Variants in KIAA0586 observed in about 807,000 individuals in gnomAD.
KIAA0586 encodes KIAA0586.
A neutral mutation model predicts 169.8 loss-of-function variants in KIAA0586; 144 were observed. That is an observed-to-expected ratio of 0.85 (90% CI 0.74 to 0.97). The LOEUF is 0.97. KIAA0586 is among the 50% of genes least tolerant of loss of function. The probability of loss-of-function intolerance (pLI) is 0.00; values close to 1 mark genes in which losing one functional copy is unlikely to be tolerated. For missense variants in KIAA0586, 1,854 were observed against 1,823.0 expected, an observed-to-expected ratio of 1.02 and a Z score of -0.31; for synonymous variants, 625 against 612.4, an observed-to-expected ratio of 1.02 and a Z score of -0.30.
At chr14:58,483,440 G>C (rs1181287279) in intron 21 of KIAA0586, among the ~76,000 whole-genome samples, 2 of 152,008 alleles carry the variant, frequency 1.3e-5, no homozygotes, top group Non-Finnish European at 2.9e-5. Flanking sequence ...CACAGAACAA[G>C]TTGCTTTCTT....
At chr14:58,433,903 G>A (rs771261792) in intron 4 of KIAA0586, among the ~76,000 whole-genome samples, 10 of 151,998 alleles carry the variant, frequency 6.6e-5, no homozygotes, top group Admixed American at 1.3e-4. Context: ...GGAGGCTGAG[G>A]TGGAAGGATC....
In KIAA0586 at chr14:58,492,101, C is replaced by A. The variant is rs371064539; in HGVS notation, c.3859-43C>A. ...TTAAATTGAGAAAAATGCAATTGTTCGAAATAATTTATTTTTATTAATTGT... is the reference window on the plus strand; with the variant it reads ...TTAAATTGAGAAAAATGCAATTGTTAGAAATAATTTATTTTTATTAATTGT... On this transcript the variant is annotated intron_variant, in intron 25 of 30. Coordinates refer to ENST00000652326, the MANE Select transcript of KIAA0586 (RefSeq NM_001329943.3). 2.3e-5 allele frequency: 33 copies of A among 1,407,988 alleles called. No homozygotes were observed. The East Asian group carries it at 3.8e-4, about 16-fold the overall frequency. The allele number at this position is 1,407,988 out of a possible 1,614,324, so 87.2% of individuals were successfully genotyped here.
intron 29 of KIAA0586, chr14:58,521,962 GACAGC>G: frequency 1.5e-6 from 2 of 1,371,564 alleles, no homozygotes; most frequent in Non-Finnish European, 2.1e-6. Context: ...GGATGACAGA[GACAGC>G]ACCAATGGCG....
rs201702546 is a variant in KIAA0586, at chr14:58,488,791, C to G, written c.3698C>G (p.Thr1233Ser). Residue 1233 changes from threonine to serine, a missense_variant, in exon 24 of 31, where the codon ACT becomes AGT. Physicochemically the swap from Thr to Ser is moderately conservative, Grantham distance 58. Coordinates refer to ENST00000652326, the MANE Select transcript of KIAA0586 (RefSeq NM_001329943.3). ...SSTLESTLSVTVTETETLDKP... is the reference protein window; with the variant it reads ...SSTLESTLSVSVTETETLDKP... ...ACACTGGAGAGCACATTGAGTGTTA[C>G]TGTCACTGAAACTGAAACTTTAGAT... 210 of 1,613,730 alleles carry G rather than the reference C, an allele frequency of 1.3e-4. No homozygotes were observed. The highest frequency in any genetic ancestry group is 1.7e-4 in the Non-Finnish European group (201 of 1,179,804).
Position 58,460,318 on chromosome 14 carries a change from G to A in KIAA0586, c.1884+248G>A, listed in dbSNP as rs531622354. On this transcript the variant is annotated intron_variant, in intron 13 of 30. Coordinates refer to ENST00000652326, the MANE Select transcript of KIAA0586 (RefSeq NM_001329943.3). Reference sequence around the variant, plus strand: ...CATCATGATTTTGTAGTTATAGCAGGTATAAAGGTATATCTAGAGATCATC... The same window carrying A: ...CATCATGATTTTGTAGTTATAGCAGATATAAAGGTATATCTAGAGATCATC... 3.3e-5 allele frequency among the ~76,000 whole-genome samples: 5 copies of A among 152,160 alleles called. No individual in the cohort carries two copies. In the South Asian group the frequency reaches 1.0e-3, roughly 32 times the overall value.
chr14:58,554,255 A>G (rs1056495831), downstream of KIAA0586, among the ~76,000 whole-genome samples: 1 of 152,080 alleles, frequency 6.6e-6, no homozygotes, highest in Non-Finnish European at 1.5e-5. Flanking sequence ...ATTAGACTGT[A>G]TTTCTTGGTG....
chr14:58,496,509 C>T (rs2043166891), intron 26 of KIAA0586, among the ~76,000 whole-genome samples: 1 of 152,040 alleles, frequency 6.6e-6, no homozygotes, highest in Non-Finnish European at 1.5e-5. Flanking sequence ...CAAGAGTCTC[C>T]AAGGGATTTC....
intron 19 of KIAA0586, 125 bp from the exon 20 acceptor site, chr14:58,476,998 T>C: frequency 1.8e-6 from 1 of 559,348 alleles, no homozygotes; most frequent in South Asian, 2.6e-5. Flanking sequence ...TCAGAATGAC[T>C]GCTTTCACAC....
chr14:58,470,553 T>A, intron 16 of KIAA0586, 60 bp from the exon 17 acceptor site: 5 of 966,462 alleles, frequency 5.2e-6, no homozygotes, highest in Non-Finnish European at 8.2e-6. Context: ...ATACACATAC[T>A]CATAAAAATA....
Position 58,488,887 on chromosome 14 carries a change from G to T in KIAA0586, c.3781+13G>T. On this transcript the variant is annotated intron_variant, in intron 24 of 30. Coordinates refer to ENST00000652326, the MANE Select transcript of KIAA0586 (RefSeq NM_001329943.3). ...TTGGCCCCCAAGAGTAAGTTAATTT[G>T]TATTAGTTGATTTTACTTGTTAGAT... is the stretch of plus-strand genomic sequence containing the variant. The T allele has an allele frequency of 6.2e-7, 1 of 1,609,882 alleles. No homozygotes were observed. The highest frequency in any genetic ancestry group is 1.1e-5 in the South Asian group (1 of 90,568).
chr14:58,498,758 T>G (rs1438092424), intron 26 of KIAA0586, 25 bp from the exon 27 acceptor site: 14 of 1,575,188 alleles, frequency 8.9e-6, no homozygotes, highest in Non-Finnish European at 1.2e-5. Flanking sequence ...ATAATGGTTT[T>G]AACAATTGTT....
At chr14:58,436,467 A>T (rs2037828981) in intron 4 of KIAA0586, among the ~76,000 whole-genome samples, 1 of 152,196 alleles carries the variant, frequency 6.6e-6, no homozygotes, top group Admixed American at 6.5e-5. Context: ...GAGACTCAAC[A>T]TGTTCTTGGA....
intron 18 of KIAA0586, among the ~76,000 whole-genome samples, chr14:58,473,410 A>C (rs1021399468): frequency 6.6e-6 from 1 of 152,248 alleles, no homozygotes; most frequent in African/African-American, 2.4e-5. Context: ...AACACATATG[A>C]TTTTTTTGTA....
intron 29 of KIAA0586, among the ~76,000 whole-genome samples, chr14:58,516,605 A>G (rs946408170): frequency 6.6e-6 from 1 of 152,220 alleles, no homozygotes; most frequent in Admixed American, 6.5e-5. Context: ...TGCAATCTCA[A>G]AAACATTCCA....
intron 3 of KIAA0586, 48 bp from the exon 4 acceptor site, chr14:58,432,340 A>T: frequency 8.8e-7 from 1 of 1,140,246 alleles, no homozygotes; most frequent in Non-Finnish European, 1.2e-6. Context: ...TTAAAGTTTA[A>T]TAAATATTCA....
At chr14:58,438,494 A>G (rs1295910421) in intron 4 of KIAA0586, among the ~76,000 whole-genome samples, 1 of 152,180 alleles carries the variant, frequency 6.6e-6, no homozygotes, top group Non-Finnish European at 1.5e-5. Flanking sequence ...TTTGGTATGA[A>G]AGAAGTCCTG....
At chr14:58,509,747 TA>T (rs1426478017) in intron 28 of KIAA0586, among the ~76,000 whole-genome samples, 3 of 152,074 alleles carry the variant, frequency 2.0e-5, no homozygotes, top group Non-Finnish European at 2.9e-5. Flanking sequence ...AACTTCGATA[TA>T]AAAAAAATTT....
At chr14:58,560,566 A>G in the KIAA0586 span, among the ~76,000 whole-genome samples, 1 of 152,226 alleles carries the variant, frequency 6.6e-6, no homozygotes. Flanking sequence ...ATCTCTCAGC[A>G]GTCTTGAAAT....
chr14:58,472,242 C>T lies in KIAA0586; in HGVS notation c.2597C>T (p.Pro866Leu). The T allele has an allele frequency of 6.3e-7, 1 of 1,584,068 alleles. No homozygotes were observed. Among genetic ancestry groups the T allele is most frequent in the Non-Finnish European group, 8.6e-7 (1 of 1,165,896 alleles). ...GTAGATGAAGAAGAGGTGAAGTTTC[C>T]AGGAACTAACTTTGATGAAATAATC... ...MKVDEEEVKF[P>L]GTNFDEIIDV... Residue 866 changes from proline (P) to leucine (L), a missense_variant, in exon 18 of 31, where the codon CCA becomes CTA. Pro to Leu is a moderately conservative substitution (Grantham distance 98). Coordinates refer to ENST00000652326, the MANE Select transcript of KIAA0586 (RefSeq NM_001329943.3).
Sources: gnomAD v4.1 joint callset for allele counts (sites outside exome capture counted in the v4.1 genomes callset) on GRCh38, gnomAD v4.1.1 for gene constraint, MANE v1.5 for transcripts, NCBI Gene and HGNC (gene_info 2026-07-23, HGNC 2026-07-21) for gene names.